Variants in DGCR8 observed in about 807,000 individuals in gnomAD.
DGCR8 encodes DGCR8 microprocessor complex subunit.
In DGCR8, 14 loss-of-function variants were observed where a neutral mutation model predicts 78.5. That is an observed-to-expected ratio of 0.18 (90% CI 0.12 to 0.28). DGCR8 has a LOEUF of 0.28. Ranked by LOEUF, DGCR8 falls within the 10% of genes least tolerant of loss-of-function variation. The pLI, the probability that DGCR8 is intolerant of heterozygous loss-of-function variation, is 1.00. For missense variants in DGCR8, 702 were observed against 1,022.5 expected, an observed-to-expected ratio of 0.69 and a Z score of 4.28; for synonymous variants, 399 against 402.4, an observed-to-expected ratio of 0.99 and a Z score of 0.10.
intron 1 of DGCR8, among the ~76,000 whole-genome samples, chr22:20,084,701 G>C (rs1352111392): frequency 6.6e-6 from 1 of 152,198 alleles, no homozygotes; most frequent in African/African-American, 2.4e-5. Context: ...GTCCTTCCTT[G>C]TCTTTAGTTC....
Position 20,086,424 on chromosome 22 carries a change from C to G in DGCR8, c.461C>G (p.Pro154Arg). Residue 154 changes from proline to arginine, a missense_variant, in exon 2 of 14, where the codon CCT (proline) becomes CGT (arginine). By Grantham distance (103) the Pro-to-Arg change is moderately radical. Around this residue, in one of 4 missense-constraint regions of DGCR8, gnomAD observed 356 missense variants for 448.9 expected, o/e 0.79. Transcript: ENST00000351989. The surrounding 1 kb of genome is among the most constrained non-coding windows in gnomAD (Gnocchi z 6.4). The part of the protein sequence containing the change: ...VRAECGLLLS[P>R]VSGDVHACPF... Reference sequence around the variant, plus strand: ...GCGGAGTGCGGTCTGCTCCTTAGCCCTGTCAGTGGGGACGTGCATGCTTGT... The same window carrying G: ...GCGGAGTGCGGTCTGCTCCTTAGCCGTGTCAGTGGGGACGTGCATGCTTGT... 5 of 1,613,976 alleles carry G rather than the reference C, an allele frequency of 3.1e-6. No homozygotes were observed. Among genetic ancestry groups the G allele is most frequent in the Non-Finnish European group, 2.5e-6 (3 of 1,180,008 alleles).
chr22:20,080,812 G>C (rs1432454217), intron 1 of DGCR8: 1 of 152,298 alleles, frequency 6.6e-6, no homozygotes, highest in Non-Finnish European at 1.5e-5. Flanking sequence ...AGATAATTGG[G>C]ATACGGTTTT....
intron 9 of DGCR8, among the ~76,000 whole-genome samples, chr22:20,098,070 T>A (rs1328940140): frequency 6.7e-6 from 1 of 148,378 alleles, no homozygotes; most frequent in Non-Finnish European, 1.5e-5. Context: ...GAGGTTGCAG[T>A]GAGCTGATAC....
At position 20,081,607 on chromosome 22, in the gene DGCR8, CTTG is replaced by C. The variant is rs2049419069; in HGVS notation, c.-278+1229_-278+1231del. 1.1e-4 allele frequency among the ~76,000 whole-genome samples: 17 copies of C among 152,346 alleles called. No individual in the cohort carries two copies. The South Asian group carries it at 3.5e-3, about 32-fold the overall frequency. On this transcript the variant is annotated intron_variant, in intron 1 of 13. Transcript: ENST00000351989. ...GCTGGCTTGCCCAGTCTTAGACTCT[CTTG>C]TTGTAGCCCTCTCCTTTGTGATGTC...
At chr22:20,082,878 C>T (rs760911874) in intron 1 of DGCR8, among the ~76,000 whole-genome samples, 2 of 151,576 alleles carry the variant, frequency 1.3e-5, no homozygotes, top group Non-Finnish European at 3.0e-5. Flanking sequence ...TTGGTTGCCA[C>T]TGCTATCCTG....
chr22:20,110,238 G>C lies in DGCR8; in HGVS notation c.*130G>C, dbSNP rs1264369248. 5.6e-6 allele frequency: 5 copies of C among 888,638 alleles called. No individual in the cohort carries two copies. Among genetic ancestry groups the C allele is most frequent in the Non-Finnish European group, 8.6e-6 (5 of 578,944 alleles). The allele number at this position is 888,638 out of a possible 1,614,324, so 55.0% of individuals were successfully genotyped here. On this transcript the variant is annotated 3_prime_UTR_variant, in exon 14 of 14. Transcript: ENST00000351989. ...TTCCCTGTGGCCAACCTGTGGGCCC[G>C]GCCTTAGGGTGGAGGCTTTAGTGTA...
At chr22:20,080,450 G>A in intron 1 of DGCR8, 67 bp downstream of exon 1, 2 of 981,596 alleles carry the variant, frequency 2.0e-6, no homozygotes, top group Non-Finnish European at 2.4e-6. Context: ...GCGAGGGCGC[G>A]CCCTTCCCTC....
chr22:20,090,347 T>C, intron 5 of DGCR8, 89 bp downstream of exon 5: 1 of 1,433,650 alleles, frequency 7.0e-7, no homozygotes, highest in Admixed American at 2.4e-5. Context: ...TCATAGTTCC[T>C]AGTTGTACTT....
Position 20,111,712 on chromosome 22 carries a change from C to A in DGCR8, c.*1604C>A, listed in dbSNP as rs867573230. ...ACTCTTGTGGTCTCTGTGCGCCCCCCCCCCCCCCCCACCCGTCTGCCAAGC... is the reference window on the plus strand; with the variant it reads ...ACTCTTGTGGTCTCTGTGCGCCCCCACCCCCCCCCCACCCGTCTGCCAAGC... On this transcript the variant is annotated 3_prime_UTR_variant, in exon 14 of 14. Coordinates refer to ENST00000351989, the MANE Select transcript of DGCR8 (RefSeq NM_022720.7). The A allele has an allele frequency of 4.3e-5, 7 of 163,710 alleles. No homozygotes were observed. The highest frequency in any genetic ancestry group is 7.0e-5 in the Non-Finnish European group (6 of 86,250). The allele number at this position is 163,710 out of a possible 1,614,324, so 10.1% of individuals were successfully genotyped here.
At chr22:20,109,593 G>A (rs537240046) in intron 13 of DGCR8, among the ~76,000 whole-genome samples, 1 of 152,338 alleles carries the variant, frequency 6.6e-6, no homozygotes, top group East Asian at 1.9e-4. Context: ...GCCTCCTGGA[G>A]CCAGTGGGAC....
At chr22:20,097,988 G>T (rs1238330859) in intron 9 of DGCR8, among the ~76,000 whole-genome samples, 3 of 151,160 alleles carry the variant, frequency 2.0e-5, no homozygotes, top group Non-Finnish European at 4.4e-5. Flanking sequence ...TTAGCTGGGT[G>T]TGGTGGTGGG....
At chr22:20,090,723 G>C (rs910677639) in intron 5 of DGCR8, among the ~76,000 whole-genome samples, 22 of 152,312 alleles carry the variant, frequency 1.4e-4, no homozygotes, top group Non-Finnish European at 2.4e-4. Context: ...ATGTGTACTG[G>C]TGTTTCCCAT....
At position 20,085,144 on chromosome 22, in the gene DGCR8, C is replaced by G. The variant is rs1217440349; in HGVS notation, c.-277-543C>G. On this transcript the variant is annotated intron_variant, in intron 1 of 13. Transcript: ENST00000351989. This position sits in a 1 kb window ranked among gnomAD's most constrained non-coding sequence, Gnocchi z 6.2. ...ATCACTGTCCCCGTCCACGTGCTAC[C>G]CTGTGGGCCCAGGAGAGCCCTGGGG... The G allele has an allele frequency of 1.4e-6, 1 of 692,636 alleles. No individual in the cohort carries two copies. The highest frequency in any genetic ancestry group is 1.8e-6 in the Non-Finnish European group (1 of 562,382). 42.9% of individuals were successfully genotyped at this position (692,636 alleles called of 1,614,324 possible). A position where few individuals can be genotyped will look rare whatever the true frequency, so the allele number is the denominator to read the frequency against.
At chr22:20,090,369 G>A in intron 5 of DGCR8, 111 bp downstream of exon 5, 2 of 1,263,106 alleles carry the variant, frequency 1.6e-6, no homozygotes, top group Non-Finnish European at 2.2e-6. Context: ...TGAGCAAGGG[G>A]CTGTGCACCT....
chr22:20,102,789 A>G (rs182326496), intron 9 of DGCR8, among the ~76,000 whole-genome samples: 15 of 152,296 alleles, frequency 9.8e-5, no homozygotes, highest in Admixed American at 3.3e-4. Context: ...TGGCTATTCT[A>G]GCTCCTTTGC....
At chr22:20,082,164 C>A (rs1044795361) in intron 1 of DGCR8, among the ~76,000 whole-genome samples, 1 of 151,060 alleles carries the variant, frequency 6.6e-6, no homozygotes, top group Non-Finnish European at 1.5e-5. Context: ...TCAAGCGATT[C>A]TCCTGCCTCA....
chr22:20,096,740 A>C (rs888049555), intron 9 of DGCR8, among the ~76,000 whole-genome samples: 1 of 152,230 alleles, frequency 6.6e-6, no homozygotes, highest in Non-Finnish European at 1.5e-5. Flanking sequence ...CCAACTCTGG[A>C]CATTTCATAT....
intron 9 of DGCR8, among the ~76,000 whole-genome samples, chr22:20,098,552 T>G (rs1035601959): frequency 3.9e-5 from 6 of 152,234 alleles, no homozygotes; most frequent in Non-Finnish European, 7.3e-5. Flanking sequence ...GTTTTTGTCA[T>G]ATGTCCTTGC....
intron 9 of DGCR8, chr22:20,100,267 G>A (rs576996993): frequency 5.2e-5 from 40 of 767,504 alleles, no homozygotes; most frequent in Non-Finnish European, 6.3e-5. Context: ...GGGTTTCACC[G>A]TGTTGGCCAG....
Sources: allele counts gnomAD v4.1 joint callset (sites outside exome capture counted in the v4.1 genomes callset), GRCh38; gene constraint gnomAD v4.1.1; regional missense constraint gnomAD v4.1.1; non-coding constraint Gnocchi (gnomAD v3.1); transcripts MANE v1.5; gene names NCBI Gene and HGNC (gene_info 2026-07-23, HGNC 2026-07-21).